The following UNKL variants were observed in gnomAD, a reference collection of about 807,000 sequenced individuals.
UNKL encodes unk like zinc finger, also known as putative E3 ubiquitin-protein ligase UNKL.
UNKL carries 60 observed loss-of-function variants against 78.0 expected under a neutral mutation model. The observed-to-expected ratio is 0.77, with a 90% CI of 0.63 to 0.95. The LOEUF (loss-of-function observed/expected upper bound fraction) is 0.95. Ranked by LOEUF, UNKL falls within the 40% of genes least tolerant of loss-of-function variation. The pLI is 0.00. For synonymous variants in UNKL, 608 were observed against 474.8 expected, an observed-to-expected ratio of 1.28 and a Z score of -3.65; for missense variants, 1,159 against 1,045.7, an observed-to-expected ratio of 1.11 and a Z score of -1.49.
At chr16:1,388,613 C>A (rs1490312251) in intron 9 of UNKL, among the ~76,000 whole-genome samples, 1 of 152,166 alleles carries the variant, frequency 6.6e-6, no homozygotes, top group Non-Finnish European at 1.5e-5. Context: ...ACTCCTTGTA[C>A]CCCAAGGCAC....
chr16:1,377,523 T>C (rs2036325769), intron 10 of UNKL, among the ~76,000 whole-genome samples: 2 of 151,290 alleles, frequency 1.3e-5, no homozygotes, highest in South Asian at 2.1e-4. Flanking sequence ...CCTGCAGCTG[T>C]TTTCTGGGGC....
Position 1,367,188 on chromosome 16 carries a change from C to G in UNKL, c.1950G>C (p.Pro650=), listed in dbSNP as rs773934718. ...CGATGTCCCCACAGCCCCGCAGCCC[C>G]GGCAGTGTGGAGGCTACGCCCAGGC... ...LEGLGVASTL[P]GLRGCGDIGT... The change falls in exon 14 of 15, where the codon CCG becomes CCC. Residue 650 remains proline, a synonymous_variant. Transcript: ENST00000389221. The G allele has an allele frequency of 6.2e-7, 1 of 1,606,138 alleles. No homozygotes were observed. The highest frequency in any genetic ancestry group is 1.1e-5 in the South Asian group (1 of 89,752).
At chr16:1,372,242 C>A (rs142475069) in intron 10 of UNKL, among the ~76,000 whole-genome samples, 2 of 151,822 alleles carry the variant, frequency 1.3e-5, no homozygotes, top group Admixed American at 6.6e-5. Flanking sequence ...CCAGCCTGGA[C>A]GACAGAGCAA....
At chr16:1,407,434 GCGCAGTGGCTCATTCCTGTAATCCC>G (rs2037818586) in intron 2 of UNKL, 1 of 152,300 alleles carries the variant, frequency 6.6e-6, no homozygotes, top group East Asian at 1.9e-4. Context: ...CAGAGGCCGG[GCGCAGTGGCTCATTCCTGTAATCCC>G]AGCACTTTGG....
At chr16:1,392,351 C>A (rs1267202274) in intron 8 of UNKL, among the ~76,000 whole-genome samples, 1 of 152,152 alleles carries the variant, frequency 6.6e-6, no homozygotes, top group Non-Finnish European at 1.5e-5. Flanking sequence ...ATTGAGGCTG[C>A]ATAACCAACC....
intron 9 of UNKL, 31 bp from the exon 10 acceptor site, chr16:1,385,416 C>T (rs1474262209): frequency 6.9e-6 from 9 of 1,309,644 alleles, no homozygotes; most frequent in Non-Finnish European, 8.8e-6. Flanking sequence ...CGTGAGCGCG[C>T]ACCCCCTGCG....
At chr16:1,394,846 GT>G (rs1567226566) in intron 6 of UNKL, among the ~76,000 whole-genome samples, 1 of 152,192 alleles carries the variant, frequency 6.6e-6, no homozygotes, top group Non-Finnish European at 1.5e-5. Flanking sequence ...CTTCCACCAC[GT>G]CGGGCACCCG....
In UNKL at chr16:1,403,428, A is replaced by G. The variant is rs1567235291; in HGVS notation, c.288-84T>C. 1.4e-6 allele frequency: 2 copies of G among 1,472,514 alleles called. No homozygotes were observed. Among genetic ancestry groups the G allele is most frequent in the South Asian group, 1.3e-5 (1 of 76,566 alleles). The allele number at this position is 1,472,514 out of a possible 1,614,324, so 91.2% of individuals were successfully genotyped here. ...CTCCCTGGGTCCACGCCCTGTCAGC[A>G]CGTGGCAAGCAGTGAATTCCCTTCC... On this transcript the variant is annotated intron_variant, in intron 2 of 14. Transcript: ENST00000389221. The surrounding 1 kb of genome is among the most constrained non-coding windows in gnomAD (Gnocchi z 4.8).
At chr16:1,393,778 G>A (rs1381872690) in intron 7 of UNKL, among the ~76,000 whole-genome samples, 2 of 152,216 alleles carry the variant, frequency 1.3e-5, no homozygotes, top group Admixed American at 1.3e-4. Flanking sequence ...CCAGGCAGTG[G>A]GTGGCAGAAG....
chr16:1,389,415 A>C (rs1449685261), intron 9 of UNKL, among the ~76,000 whole-genome samples: 1 of 152,150 alleles, frequency 6.6e-6, no homozygotes, highest in Non-Finnish European at 1.5e-5. Context: ...ATTTCTAAAA[A>C]AATACAAAAA....
intron 10 of UNKL, among the ~76,000 whole-genome samples, chr16:1,381,584 C>T (rs1338721360): frequency 1.3e-5 from 2 of 152,188 alleles, no homozygotes; most frequent in African/African-American, 4.8e-5. Flanking sequence ...TGTGCCATTG[C>T]ACTCCAGCCT....
intron 3 of UNKL, among the ~76,000 whole-genome samples, chr16:1,402,196 C>T (rs1177878246): frequency 6.7e-6 from 1 of 148,670 alleles, no homozygotes; most frequent in Non-Finnish European, 1.5e-5. Flanking sequence ...CCTCCGGACC[C>T]AGAAGAGAAA....
intron 10 of UNKL, among the ~76,000 whole-genome samples, chr16:1,375,628 T>C (rs529347080): frequency 6.6e-6 from 1 of 152,286 alleles, no homozygotes; most frequent in South Asian, 2.1e-4. Context: ...TTAGGGACTT[T>C]CGAAGGTCTT....
At position 1,392,991 on chromosome 16, in the gene UNKL, G is replaced by A; in HGVS notation, c.938-15C>T. ...CCCCAGGCTCTCTGCAAGGACAGGG[G>A]AGCAGCAGACTCTGAGGGCCGCTGG... On this transcript the variant is annotated splice_polypyrimidine_tract_variant and intron_variant, in intron 7 of 14. Transcript: ENST00000389221. 6.5e-7 allele frequency: 1 copy of A among 1,550,378 alleles called. No individual in the cohort carries two copies. Among genetic ancestry groups the A allele is most frequent in the Non-Finnish European group, 8.7e-7 (1 of 1,146,932 alleles).
intron 10 of UNKL, among the ~76,000 whole-genome samples, chr16:1,384,971 G>A (rs1195056275): frequency 6.6e-6 from 1 of 152,140 alleles, no homozygotes; most frequent in African/African-American, 2.4e-5. Context: ...CTCCTGGGAG[G>A]CTCCTCGTCC....
At chr16:1,394,468 CAA>C (rs1567226283) in intron 6 of UNKL, 3 of 664,914 alleles carry the variant, frequency 4.5e-6, no homozygotes, top group East Asian at 2.9e-5. Flanking sequence ...CCATCACAGG[CAA>C]AGTCATTTCC....
rs1228901091 is a variant in UNKL at position 1,364,718 on chromosome 16, G to C, written c.*1522C>G. The C allele has an allele frequency of 6.6e-6, 1 of 152,270 alleles. No individual in the cohort carries two copies. The highest frequency in any genetic ancestry group is 2.4e-5 in the African/African-American group (1 of 41,464). 9.4% of individuals were successfully genotyped at this position (152,270 alleles called of 1,614,324 possible). ...TCCAGGCCACTGAGAGGCTGTGGCCGGGTCCTCTCCTGTGACCTCACTGGC... is the reference window on the plus strand; with the variant it reads ...TCCAGGCCACTGAGAGGCTGTGGCCCGGTCCTCTCCTGTGACCTCACTGGC... On this transcript the variant is annotated 3_prime_UTR_variant, in exon 15 of 15. Transcript: ENST00000389221.
At chr16:1,406,180 G>C in intron 2 of UNKL, 1 of 390,744 alleles carries the variant, frequency 2.6e-6, no homozygotes, top group Non-Finnish European at 5.2e-6. Flanking sequence ...GGGGTGATGG[G>C]AGGAACAGGC....
In UNKL at chr16:1,399,155, A is replaced by T. The variant is rs1351222709; in HGVS notation, c.734+219T>A. The T allele has an allele frequency of 6.3e-6, 7 of 1,105,078 alleles. No individual in the cohort carries two copies. The African/African-American group carries it at 9.5e-5, about 15-fold the overall frequency. 68.5% of individuals were successfully genotyped at this position (1,105,078 alleles called of 1,614,324 possible). On this transcript the variant is annotated intron_variant, in intron 5 of 14. Transcript: ENST00000389221. The surrounding 1 kb of genome is among the most constrained non-coding windows in gnomAD (Gnocchi z 5.8). ...GCCCCGGTAGGGGACTGCATGGGAG[A>T]CACTGAGCGTAGGTGGGGAGGCCCA...
Sources: allele counts gnomAD v4.1 joint callset (sites outside exome capture counted in the v4.1 genomes callset), GRCh38; gene constraint gnomAD v4.1.1; non-coding constraint Gnocchi (gnomAD v3.1); transcripts MANE v1.5; gene names NCBI Gene and HGNC (gene_info 2026-07-23, HGNC 2026-07-21).